ITIH2: variants seen among roughly 807,000 people sequenced by gnomAD.
ITIH2 encodes the protein inter-alpha-trypsin inhibitor heavy chain 2.
In ITIH2, 103 loss-of-function variants were observed where a neutral mutation model predicts 104.4. The observed-to-expected ratio is 0.99, with a 90% CI of 0.84 to 1.16. The LOEUF (loss-of-function observed/expected upper bound fraction) is 1.16. ITIH2 is among the 50% of genes most tolerant of loss of function. The pLI, the probability that ITIH2 is intolerant of heterozygous loss-of-function variation, is 0.00. For missense variants in ITIH2, 1,108 were observed against 1,162.4 expected, an observed-to-expected ratio of 0.95 and a Z score of 0.68; for synonymous variants, 436 against 435.4, an observed-to-expected ratio of 1.00 and a Z score of -0.02.
chr10:7,711,463 T>G (rs1834796694), intron 4 of ITIH2, among the ~76,000 whole-genome samples: 1 of 152,202 alleles, frequency 6.6e-6, no homozygotes, highest in Non-Finnish European at 1.5e-5. Context: ...AAATGAGCTG[T>G]GTAGACCTAT....
At chr10:7,706,859 C>T (rs1224693896) in intron 2 of ITIH2, among the ~76,000 whole-genome samples, 1 of 152,058 alleles carries the variant, frequency 6.6e-6, no homozygotes, top group Non-Finnish European at 1.5e-5. Flanking sequence ...ATCAAAGTCT[C>T]CATTCAACTG....
intron 16 of ITIH2, among the ~76,000 whole-genome samples, chr10:7,739,223 C>T (rs1297038707): frequency 6.6e-6 from 1 of 152,214 alleles, no homozygotes; most frequent in African/African-American, 2.4e-5. Flanking sequence ...CTCCTGTTCC[C>T]AGCTCCTTGC....
chr10:7,703,399 T>A lies in ITIH2; in HGVS notation c.-36T>A. 1 of 1,448,304 alleles carries A rather than the reference T, an allele frequency of 6.9e-7. No homozygotes were observed. The highest frequency in any genetic ancestry group is 1.7e-5 in the Admixed American group (1 of 59,812). The allele number at this position is 1,448,304 out of a possible 1,614,324, so 89.7% of individuals were successfully genotyped here. ...AAGAAGTGATATCCTCCCCAGACCA[T>A]CTGCTTTGGGGAGCTTGGCAAAACT... is the stretch of plus-strand genomic sequence containing the variant. On this transcript the variant is annotated 5_prime_UTR_variant, in exon 1 of 21. Coordinates refer to ENST00000358415, the MANE Select transcript of ITIH2 (RefSeq NM_002216.3).
intron 17 of ITIH2, 61 bp from the exon 18 acceptor site, chr10:7,744,021 T>G (rs1386329596): frequency 9.6e-6 from 12 of 1,248,976 alleles, no homozygotes; most frequent in African/African-American, 6.0e-5. Context: ...TGAATTATAG[T>G]ACCCACACAT....
rs186591845 is a variant in ITIH2, at chr10:7,716,616, G to T, written c.468-1010G>T. Among the ~76,000 whole-genome samples, 35 of 151,546 alleles carry T rather than the reference G, an allele frequency of 2.3e-4. 1 individual carries two copies. The highest frequency in any genetic ancestry group is 4.4e-4 in the Non-Finnish European group (30 of 67,926). ...CTGGGCATGGTGGCGCATGCCTGTA[G>T]TCCCAGCTACTCGGGATGCTGAGGT... On this transcript the variant is annotated intron_variant, in intron 5 of 20. Transcript: ENST00000358415.
chr10:7,734,816 C>T (rs1052170120), intron 14 of ITIH2, 106 bp from the exon 15 acceptor site: 41 of 931,984 alleles, frequency 4.4e-5, no homozygotes, highest in Non-Finnish European at 6.3e-5. Context: ...TCCGCCCCAC[C>T]CCCAGGTTGG....
intron 9 of ITIH2, 37 bp downstream of exon 9, chr10:7,723,604 C>T (rs376426805): frequency 1.6e-6 from 2 of 1,254,610 alleles, no homozygotes; most frequent in African/African-American, 2.9e-5. Flanking sequence ...TGGGGGGATT[C>T]CCTATCTTCT....
At chr10:7,716,080 G>A (rs1834846870) in intron 5 of ITIH2, among the ~76,000 whole-genome samples, 1 of 151,984 alleles carries the variant, frequency 6.6e-6, no homozygotes, top group Admixed American at 6.6e-5. Context: ...CACCTCCCAG[G>A]TCTAAGCAAT....
intron 8 of ITIH2, among the ~76,000 whole-genome samples, chr10:7,722,357 G>A (rs1834912467): frequency 6.6e-6 from 1 of 152,144 alleles, no homozygotes; most frequent in African/African-American, 2.4e-5. Context: ...CCTGGAAAGA[G>A]GCAGCCAAAG....
chr10:7,748,995 G>A (rs953624169), intron 20 of ITIH2, among the ~76,000 whole-genome samples, 192 bp from the exon 21 acceptor site: 9 of 152,112 alleles, frequency 5.9e-5, no homozygotes, highest in Admixed American at 6.6e-5. Context: ...AGGACGCTTC[G>A]CTGATTCTCT....
chr10:7,719,780 A>AG (rs34499814), intron 6 of ITIH2, among the ~76,000 whole-genome samples: 1,743 of 140,412 alleles, frequency 0.012, 21 homozygotes, highest in South Asian at 0.022. Context: ...AAAAAAAAAA[A>AG]AAAGAAAGAA....
At chr10:7,733,743 A>G (rs796075781) in intron 14 of ITIH2, among the ~76,000 whole-genome samples, 18 of 152,248 alleles carry the variant, frequency 1.2e-4, no homozygotes, top group African/African-American at 4.3e-4. Context: ...GTGTTTGATA[A>G]AAGTTCCCAT....
At chr10:7,719,760 C>CAAAAAAAAAAA (rs71385664) in intron 6 of ITIH2, among the ~76,000 whole-genome samples, 4 of 41,718 alleles carry the variant, frequency 9.6e-5, no homozygotes, top group African/African-American at 4.1e-4. Flanking sequence ...GACCCTGTCT[C>CAAAAAAAAAAA]AAAAAAAAAA....
rs377531123 is a variant in ITIH2, at chr10:7,727,663, G to A, written c.1154-40G>A. The A allele has an allele frequency of 2.7e-5, 43 of 1,606,504 alleles. No homozygotes were observed. The African/African-American group carries it at 3.7e-4, about 14-fold the overall frequency. On this transcript the variant is annotated intron_variant, in intron 10 of 20. Transcript: ENST00000358415. Reference sequence around the variant, plus strand: ...CAGAATGGGATTTTCTGCGTGTGGCGAGAACGCATACCCAACGTTTCATTA... The same window carrying A: ...CAGAATGGGATTTTCTGCGTGTGGCAAGAACGCATACCCAACGTTTCATTA...
chr10:7,728,557 TTTTC>T (rs1251871171), intron 11 of ITIH2, among the ~76,000 whole-genome samples: 3 of 151,494 alleles, frequency 2.0e-5, no homozygotes, highest in East Asian at 1.9e-4. Context: ...AATTTCTTTT[TTTTC>T]TTTCTTTTTT....
chr10:7,745,892 T>C (rs562308699), intron 19 of ITIH2, among the ~76,000 whole-genome samples: 6 of 150,868 alleles, frequency 4.0e-5, no homozygotes, highest in South Asian at 4.2e-4. Flanking sequence ...GTAGCTGGGA[T>C]TACAGGCATG....
At chr10:7,706,009 C>T (rs556690570) in intron 2 of ITIH2, among the ~76,000 whole-genome samples, 216 of 152,264 alleles carry the variant, frequency 1.4e-3, no homozygotes, top group Non-Finnish European at 6.9e-4. Context: ...TTCTTCCCCA[C>T]GGAGCCCACA....
intron 20 of ITIH2, among the ~76,000 whole-genome samples, chr10:7,748,586 G>C (rs1211660607): frequency 1.7e-5 from 2 of 118,560 alleles, no homozygotes; most frequent in Non-Finnish European, 3.3e-5. Context: ...CTGTCGCCCA[G>C]GCTGGAGTGC....
chr10:7,738,225 A>T (rs1249058818), intron 15 of ITIH2, among the ~76,000 whole-genome samples: 46 of 107,804 alleles, frequency 4.3e-4, no homozygotes, highest in African/African-American at 1.6e-3. Context: ...ATTCTATATA[A>T]TATTATATAT....
Sources: gnomAD v4.1 joint callset for allele counts (sites outside exome capture counted in the v4.1 genomes callset) on GRCh38, gnomAD v4.1.1 for gene constraint, MANE v1.5 for transcripts, NCBI Gene and HGNC (gene_info 2026-07-23, HGNC 2026-07-21) for gene names.